The following CCDC198 variants were observed in gnomAD, a reference collection of about 807,000 sequenced individuals.
CCDC198 encodes coiled-coil domain containing 198, also known as factor associated with metabolism and energy.
CCDC198 carries 18 observed loss-of-function variants against 35.6 expected under a neutral mutation model. The observed-to-expected ratio is 0.51, with a 90% CI of 0.35 to 0.75. The LOEUF (loss-of-function observed/expected upper bound fraction) is 0.75. Ranked by LOEUF, CCDC198 falls within the 30% of genes least tolerant of loss-of-function variation. The pLI, the probability that CCDC198 is intolerant of heterozygous loss-of-function variation, is 0.01. For synonymous variants in CCDC198, 119 were observed against 113.4 expected (o/e 1.05, Z -0.31); for missense variants, 365 against 343.7 (o/e 1.06, Z -0.49).
At chr14:57,475,178 G>A (rs1054842600) in intron 5 of CCDC198, 7 of 213,676 alleles carry the variant, frequency 3.3e-5, no homozygotes, top group South Asian at 1.7e-4. Context: ...GGAGAGTGGC[G>A]TGAACCCGGG....
chr14:57,471,435 C>T lies in CCDC198; in HGVS notation c.811G>A (p.Asp271Asn). The T allele has an allele frequency of 6.2e-7, 1 of 1,614,018 alleles. No homozygotes were observed. The highest frequency in any genetic ancestry group is 1.3e-5 in the African/African-American group (1 of 74,984). ...ACCAGTGCTCGTGGCTTCTTCTCAT[C>T]TTTCCCCTGCTCATCTGAGTCAGAG... is the stretch of plus-strand genomic sequence containing the variant. The part of the protein sequence containing the change: ...SSSDSDEQGK[D>N]EKKPRALVRT... The change falls in exon 6 of 6, where the codon GAT (aspartate) becomes AAT (asparagine). Residue 271 changes from aspartate to asparagine, a missense_variant. Asp to Asn is a conservative substitution (Grantham distance 23). Coordinates refer to ENST00000216445, the MANE Select transcript of CCDC198 (RefSeq NM_018168.4).
Position 57,470,702 on chromosome 14 carries a change from G to A in CCDC198, c.*653C>T, listed in dbSNP as rs1410443327. The A allele has an allele frequency of 6.6e-6, 1 of 152,266 alleles. No homozygotes were observed. The highest frequency in any genetic ancestry group is 6.5e-5 in the Admixed American group (1 of 15,282). The allele number at this position is 152,266 out of a possible 1,614,324, so 9.4% of individuals were successfully genotyped here. A position where few individuals can be genotyped will look rare whatever the true frequency, so the allele number is the denominator to read the frequency against. ...ACATGGTGAGGTGGCAAATGTCAAA[G>A]ATGAACCCCAAAGGACCACACTTTG... On this transcript the variant is annotated 3_prime_UTR_variant, in exon 6 of 6. Coordinates refer to ENST00000216445, the MANE Select transcript of CCDC198 (RefSeq NM_018168.4).
chr14:57,489,111 A>G (rs2067471701), intron 2 of CCDC198, among the ~76,000 whole-genome samples: 1 of 152,182 alleles, frequency 6.6e-6, no homozygotes, highest in Non-Finnish European at 1.5e-5. Flanking sequence ...TAGCAAAGAC[A>G]TGGAATCAAC....
chr14:57,475,229 C>G (rs2066940347), intron 5 of CCDC198: 5 of 537,796 alleles, frequency 9.3e-6, no homozygotes, highest in Non-Finnish European at 1.2e-5. Context: ...CCACTGCACT[C>G]CAGCCTGGGC....
chr14:57,489,272 G>A (rs2067478518), intron 2 of CCDC198, among the ~76,000 whole-genome samples: 1 of 152,114 alleles, frequency 6.6e-6, no homozygotes, highest in Admixed American at 6.6e-5. Flanking sequence ...ACTAACTCAG[G>A]AACAGAAAAC....
chr14:57,486,282 A>G (rs2067354718), intron 2 of CCDC198, among the ~76,000 whole-genome samples: 1 of 152,188 alleles, frequency 6.6e-6, no homozygotes, highest in African/African-American at 2.4e-5. Flanking sequence ...ATCTCATTCA[A>G]TCTTCATGTG....
intron 2 of CCDC198, among the ~76,000 whole-genome samples, chr14:57,487,374 T>C (rs1258509873): frequency 6.6e-6 from 1 of 152,082 alleles, no homozygotes; most frequent in African/African-American, 2.4e-5. Flanking sequence ...GCAATGTCAA[T>C]TGATTGGTCA....
chr14:57,488,573 A>G (rs2067450103), intron 2 of CCDC198, among the ~76,000 whole-genome samples: 2 of 152,198 alleles, frequency 1.3e-5, no homozygotes, highest in Admixed American at 6.5e-5. Flanking sequence ...AAGATTGAAT[A>G]AGACATAGTC....
intron 5 of CCDC198, chr14:57,475,359 T>A: frequency 1.0e-6 from 1 of 995,262 alleles, no homozygotes; most frequent in Non-Finnish European, 1.2e-6. Context: ...GGTGGCCAGA[T>A]AAGACCAGAA....
rs140743078 is a variant in CCDC198 at position 57,491,879 on chromosome 14, G to A, written c.224-808C>T. The stretch of plus-strand genomic sequence containing the variant: ...TGCATTTTAAATGGAAAAATCCCTG[G>A]GTAATTATGCATCTCTCTCCTTAAG... On this transcript the variant is annotated intron_variant, in intron 1 of 5. Transcript: ENST00000216445. 8.4e-4 allele frequency among the ~76,000 whole-genome samples: 127 copies of A among 151,946 alleles called. 1 individual carries two copies. The highest frequency in any genetic ancestry group is 2.9e-3 in the African/African-American group (119 of 41,444).
chr14:57,476,042 A>T (rs2066986563), intron 5 of CCDC198, among the ~76,000 whole-genome samples: 1 of 151,836 alleles, frequency 6.6e-6, no homozygotes, highest in Non-Finnish European at 1.5e-5. Context: ...ACCTCAAGTG[A>T]TCCACCCTCC....
chr14:57,476,328 T>C (rs2139478693), intron 5 of CCDC198, among the ~76,000 whole-genome samples: 1 of 152,318 alleles, frequency 6.6e-6, no homozygotes, highest in South Asian at 2.1e-4. Context: ...TGTCAGGTAC[T>C]ATTCTAGGGA....
rs1197405795 is a variant in CCDC198 at position 57,469,820 on chromosome 14, G to A, written c.*1535C>T. On this transcript the variant is annotated 3_prime_UTR_variant, in exon 6 of 6. Transcript: ENST00000216445. ...GCTTGTTATCTTCTTAGTTTCTGAT[G>A]TGAATGCATTGAATGTCAAATTGAA... The A allele has an allele frequency of 1.3e-5, 2 of 152,176 alleles. No homozygotes were observed. The highest frequency in any genetic ancestry group is 2.9e-5 in the Non-Finnish European group (2 of 68,028). 9.4% of individuals were successfully genotyped at this position (152,176 alleles called of 1,614,324 possible). A position where few individuals can be genotyped will look rare whatever the true frequency, so the allele number is the denominator to read the frequency against.
At chr14:57,476,174 A>G (rs2139478132) in intron 5 of CCDC198, among the ~76,000 whole-genome samples, 1 of 152,318 alleles carries the variant, frequency 6.6e-6, no homozygotes, top group African/African-American at 2.4e-5. Flanking sequence ...TACATGGTAT[A>G]CAATAACTTT....
Position 57,470,032 on chromosome 14 carries a change from C to A in CCDC198, c.*1323G>T, listed in dbSNP as rs1357218538. On this transcript the variant is annotated 3_prime_UTR_variant, in exon 6 of 6. Coordinates refer to ENST00000216445, the MANE Select transcript of CCDC198 (RefSeq NM_018168.4). ...ACACAAAAGTTCTTAAAAATTGTCC[C>A]AAAAGCTAATTTTTCCAAGTGGAAT... is the stretch of plus-strand genomic sequence containing the variant. 1 of 152,098 alleles carries A rather than the reference C, an allele frequency of 6.6e-6. No homozygotes were observed. Among genetic ancestry groups the A allele is most frequent in the Non-Finnish European group, 1.5e-5 (1 of 68,024 alleles). 9.4% of individuals were successfully genotyped at this position (152,098 alleles called of 1,614,324 possible).
intron 5 of CCDC198, chr14:57,480,127 T>C (rs953630204): frequency 3.6e-6 from 1 of 277,044 alleles, no homozygotes; most frequent in African/African-American, 2.3e-5. Context: ...GGTTGGGCAG[T>C]GATTCATTCT....
intron 5 of CCDC198, among the ~76,000 whole-genome samples, chr14:57,476,641 A>G (rs2067007011): frequency 6.6e-6 from 1 of 152,238 alleles, no homozygotes; most frequent in African/African-American, 2.4e-5. Context: ...TTAAAGATGC[A>G]GTAGAAAGCA....
At chr14:57,471,980 T>C (rs1722800086) in intron 5 of CCDC198, among the ~76,000 whole-genome samples, 1 of 151,940 alleles carries the variant, frequency 6.6e-6, no homozygotes, top group Non-Finnish European at 1.5e-5. Context: ...AATATATCAC[T>C]ACAAATCTCT....
In CCDC198 at chr14:57,477,759, A is replaced by G. The variant is rs560051002; in HGVS notation, c.655+2836T>C. Among the ~76,000 whole-genome samples, 613 of 152,218 alleles carry G rather than the reference A, an allele frequency of 4.0e-3. 2 individuals carry two copies. The highest frequency in any genetic ancestry group is 6.5e-3 in the Admixed American group (100 of 15,292). On this transcript the variant is annotated intron_variant, in intron 5 of 5. Coordinates refer to ENST00000216445, the MANE Select transcript of CCDC198 (RefSeq NM_018168.4). ...GTCGCCCAGGTTGGAGTGCAGTGGC[A>G]TGATCTCGGCTCACTGCAACCTCTG...
Sources: allele counts gnomAD v4.1 joint callset (sites outside exome capture counted in the v4.1 genomes callset), GRCh38; gene constraint gnomAD v4.1.1; transcripts MANE v1.5; gene names NCBI Gene and HGNC (gene_info 2026-07-23, HGNC 2026-07-21).